The following MGAT5 variants were observed in gnomAD, a reference collection of about 807,000 sequenced individuals.
MGAT5 encodes alpha-1,6-mannosylglycoprotein 6-beta-N-acetylglucosaminyltransferase.
MGAT5 carries 30 observed loss-of-function variants against 94.3 expected under a neutral mutation model. The ratio of observed to expected loss-of-function variants is 0.32; its 90% CI spans 0.24 to 0.43. The LOEUF is 0.43. MGAT5 is among the 20% of genes least tolerant of loss of function. MGAT5 has a pLI of 1.00. For missense variants in MGAT5, 691 were observed against 905.5 expected (o/e 0.76, Z 3.04); for synonymous variants, 310 against 322.9 (o/e 0.96, Z 0.43).
Position 134,242,366 on chromosome 2 carries a change from G to C in MGAT5, c.-142-11896G>C, listed in dbSNP as rs572313934. Among the ~76,000 whole-genome samples, 4 of 152,200 alleles carry C rather than the reference G, an allele frequency of 2.6e-5. No individual in the cohort carries two copies. The East Asian group carries it at 5.8e-4, about 22-fold the overall frequency. Reference sequence around the variant, plus strand: ...GTCCTATAAGGACTCCTAGTTCACAGTGATTAAACTATGCCATTTATGTAT... The same window carrying C: ...GTCCTATAAGGACTCCTAGTTCACACTGATTAAACTATGCCATTTATGTAT... On this transcript the variant is annotated intron_variant, in intron 1 of 16. Transcript: ENST00000409645.
intron 11 of MGAT5, among the ~76,000 whole-genome samples, chr2:134,405,237 A>G (rs1683265466): frequency 6.6e-6 from 1 of 152,268 alleles, no homozygotes; most frequent in Non-Finnish European, 1.5e-5. Flanking sequence ...TCTAATGAGC[A>G]AGGATTGCAG....
At chr2:134,272,352 C>A (rs1393178389) in intron 2 of MGAT5, among the ~76,000 whole-genome samples, 3 of 146,380 alleles carry the variant, frequency 2.0e-5, no homozygotes, top group African/African-American at 8.1e-5. Flanking sequence ...ATTTAAAGAA[C>A]CAGAGTGTTG....
At chr2:134,412,837 G>A in intron 11 of MGAT5, 32 bp from the exon 12 acceptor site, 1 of 1,613,422 alleles carries the variant, frequency 6.2e-7, no homozygotes, top group Non-Finnish European at 8.5e-7. Context: ...TGCCTGATGT[G>A]TTCATACGCT....
chr2:134,217,217 G>A (rs1366131759), intron 1 of MGAT5, among the ~76,000 whole-genome samples: 1 of 142,876 alleles, frequency 7.0e-6, no homozygotes, highest in African/African-American at 2.7e-5. Flanking sequence ...AGGGATGAGT[G>A]GGGTCTGAGG....
At chr2:134,190,401 A>G (rs1446913915) in intron 1 of MGAT5, among the ~76,000 whole-genome samples, 3 of 152,200 alleles carry the variant, frequency 2.0e-5, no homozygotes, top group Non-Finnish European at 4.4e-5. Flanking sequence ...TCTCACTTTC[A>G]TGAATTTCAC....
rs1212500529 is a variant in MGAT5 at position 134,209,164 on chromosome 2, T to A, written c.-142-45098T>A. Reference sequence around the variant, plus strand: ...TTATTTTTTTTTTATTTTTTTTTTTTTTTTTATTTTTTTTTTTATTTTTTA... The same window carrying A: ...TTATTTTTTTTTTATTTTTTTTTTTATTTTTATTTTTTTTTTTATTTTTTA... On this transcript the variant is annotated intron_variant, in intron 1 of 16. Transcript: ENST00000409645. 3.0e-3 allele frequency among the ~76,000 whole-genome samples: 64 copies of A among 21,620 alleles called. 11 individuals are homozygous for A. Among genetic ancestry groups the A allele is most frequent in the African/African-American group, 6.3e-3 (6 of 954 alleles). 14.2% of individuals were successfully genotyped at this position (21,620 alleles called of 152,430 possible).
intron 1 of MGAT5, among the ~76,000 whole-genome samples, chr2:134,186,206 T>C (rs1043540562): frequency 2.6e-5 from 4 of 152,172 alleles, no homozygotes; most frequent in African/African-American, 9.7e-5. Flanking sequence ...CCAGTTATGA[T>C]TTTAGCCTAG....
Position 134,185,089 on chromosome 2 carries a change from G to C in MGAT5, c.-143+64798G>C, listed in dbSNP as rs926243921. Among the ~76,000 whole-genome samples the C allele has an allele frequency of 9.9e-5, 15 of 152,110 alleles. 1 individual carries two copies. Among genetic ancestry groups the C allele is most frequent in the Admixed American group, 2.0e-4 (3 of 15,276 alleles). On this transcript the variant is annotated intron_variant, in intron 1 of 16. Transcript: ENST00000409645. ...CACTTATAAGTGGGAACTAAGCTGT[G>C]AGGATGCAAAGGCATAAGAATGATA...
Position 134,318,631 on chromosome 2 carries a change from G to T in MGAT5, c.484-19G>T. The stretch of plus-strand genomic sequence containing the variant: ...AGGGCCTGTGAATGGGCTGCTCAGA[G>T]ATGTTCTTCTTGTTTCAGTGGATGA... On this transcript the variant is annotated intron_variant, in intron 3 of 15. Coordinates refer to ENST00000281923, the MANE Select transcript of MGAT5 (RefSeq NM_002410.5). The T allele has an allele frequency of 6.2e-7, 1 of 1,600,552 alleles. No individual in the cohort carries two copies. Among genetic ancestry groups the T allele is most frequent in the African/African-American group, 1.3e-5 (1 of 74,754 alleles).
At chr2:134,427,062 G>A (rs1684631847) in intron 13 of MGAT5, among the ~76,000 whole-genome samples, 1 of 152,068 alleles carries the variant, frequency 6.6e-6, no homozygotes, top group Admixed American at 6.6e-5. Context: ...GTGTGATTTG[G>A]CATACGAGAA....
At chr2:134,358,259 T>A (rs1679877003) in intron 9 of MGAT5, among the ~76,000 whole-genome samples, 1 of 151,616 alleles carries the variant, frequency 6.6e-6, no homozygotes, top group African/African-American at 2.4e-5. Context: ...TATAATTCAA[T>A]ATTTTGAGGG....
At chr2:134,144,561 A>G (rs551556992) in intron 1 of MGAT5, among the ~76,000 whole-genome samples, 1 of 152,286 alleles carries the variant, frequency 6.6e-6, no homozygotes, top group Non-Finnish European at 1.5e-5. Flanking sequence ...TCCAAACCAT[A>G]TCACGCACTA....
intron 15 of MGAT5, among the ~76,000 whole-genome samples, chr2:134,448,099 TAA>T (rs1230733914): frequency 6.6e-6 from 1 of 152,258 alleles, no homozygotes; most frequent in African/African-American, 2.4e-5. Flanking sequence ...TTAAAGAACG[TAA>T]ATGATGCTGA....
rs149754351 is a variant in MGAT5, at chr2:134,448,609, C to T, written c.2028-40C>T. The T allele has an allele frequency of 1.8e-3, 2,876 of 1,592,364 alleles. 80 individuals carry two copies. The Admixed American group carries it at 0.039, about 22-fold the overall frequency. ...GCCAGTGACGAGGAAAGGCTCTGTC[C>T]CTTCATCACCAACACTTGTGCCTTT... On this transcript the variant is annotated intron_variant, in intron 15 of 15. Transcript: ENST00000281923.
intron 15 of MGAT5, among the ~76,000 whole-genome samples, chr2:134,444,819 G>A (rs192247209): frequency 7.9e-5 from 12 of 152,302 alleles, no homozygotes; most frequent in Admixed American, 2.0e-4. Context: ...AACCAGCCTC[G>A]AGTTCTTGTG....
intron 2 of MGAT5, among the ~76,000 whole-genome samples, chr2:134,281,858 G>A (rs1684718951): frequency 6.6e-6 from 1 of 152,230 alleles, no homozygotes; most frequent in Admixed American, 6.5e-5. Context: ...ACAAGTTATA[G>A]CAAGATTTGC....
chr2:134,373,585 A>G (rs1313654382), intron 10 of MGAT5, among the ~76,000 whole-genome samples: 1 of 152,240 alleles, frequency 6.6e-6, no homozygotes, highest in African/African-American at 2.4e-5. Context: ...ATTTCTAGGC[A>G]TAGTCCATAT....
At chr2:134,279,201 C>A (rs771676403) in intron 2 of MGAT5, among the ~76,000 whole-genome samples, 3 of 152,234 alleles carry the variant, frequency 2.0e-5, no homozygotes, top group African/African-American at 7.2e-5. Flanking sequence ...GCTTTCACTT[C>A]TAGATCACCA....
At chr2:134,308,375 A>C (rs967079309) in intron 2 of MGAT5, among the ~76,000 whole-genome samples, 4 of 152,184 alleles carry the variant, frequency 2.6e-5, no homozygotes, top group Non-Finnish European at 5.9e-5. Context: ...TCCAGTAGTG[A>C]GCAGTCCAGA....
Sources: allele counts gnomAD v4.1 joint callset (sites outside exome capture counted in the v4.1 genomes callset), GRCh38; gene constraint gnomAD v4.1.1; transcripts MANE v1.5; gene names NCBI Gene and HGNC (gene_info 2026-07-23, HGNC 2026-07-21).